KAZN: variants seen among roughly 807,000 people sequenced by gnomAD.
The protein encoded by KAZN is kazrin, periplakin interacting protein.
In KAZN, 40 loss-of-function variants were observed where a neutral mutation model predicts 87.4. The ratio of observed to expected loss-of-function variants is 0.46; its 90% CI spans 0.36 to 0.60. The LOEUF is 0.60. Ranked by LOEUF, KAZN falls within the 20% of genes least tolerant of loss-of-function variation. The probability of loss-of-function intolerance (pLI) is 0.00; values close to 1 mark genes in which losing one functional copy is unlikely to be tolerated. For synonymous variants in KAZN, 466 were observed against 458.3 expected (o/e 1.02, Z -0.22); for missense variants, 898 against 1,073.9 (o/e 0.84, Z 2.29).
chr1:15,020,518 T>C (rs1218501124), intron 2 of KAZN, among the ~76,000 whole-genome samples: 1 of 152,158 alleles, frequency 6.6e-6, no homozygotes, highest in Non-Finnish European at 1.5e-5. Flanking sequence ...TTCTTAGCAC[T>C]GTTTACAGTA....
chr1:14,541,669 G>C (rs534755145), intron 2 of KAZN, among the ~76,000 whole-genome samples: 8 of 152,356 alleles, frequency 5.3e-5, no homozygotes, highest in Middle Eastern at 3.4e-3. Flanking sequence ...CTGGGGCAAA[G>C]CTTCGTTGCT....
chr1:14,800,957 C>T (rs9803848), intron 1 of KAZN, among the ~76,000 whole-genome samples: 54,260 of 150,430 alleles, frequency 0.36, 11,118 homozygotes, highest in African/African-American at 0.56. Context: ...AATTAGGTTA[C>T]GGTGATAGTT....
At chr1:14,559,027 A>G (rs996512319) in intron 2 of KAZN, among the ~76,000 whole-genome samples, 4 of 152,126 alleles carry the variant, frequency 2.6e-5, no homozygotes, top group Non-Finnish European at 5.9e-5. Context: ...TCTAGCTCCA[A>G]TGAAATGAAA....
chr1:14,665,801 T>C (rs959989196), intron 1 of KAZN, among the ~76,000 whole-genome samples: 1 of 152,068 alleles, frequency 6.6e-6, no homozygotes, highest in African/African-American at 2.4e-5. Context: ...AGTTGTTCTG[T>C]TAAAGCACAC....
intron 7 of KAZN, among the ~76,000 whole-genome samples, chr1:15,064,138 T>C (rs1639036658): frequency 6.6e-6 from 1 of 152,254 alleles, no homozygotes; most frequent in South Asian, 2.1e-4. Flanking sequence ...GATTCATTTT[T>C]AACATTTTCA....
chr1:15,052,241 G>A (rs1188619880), intron 4 of KAZN, among the ~76,000 whole-genome samples: 1 of 152,084 alleles, frequency 6.6e-6, no homozygotes, highest in Non-Finnish European at 1.5e-5. Context: ...GAGGCTTAAT[G>A]GACTCACAGT....
At chr1:13,912,608 C>CA (rs34653830) in intron 1 of KAZN, among the ~76,000 whole-genome samples, 30,424 of 151,926 alleles carry the variant, frequency 0.2, 3,408 homozygotes, top group Non-Finnish European at 0.26. Context: ...CTACCTAATG[C>CA]AATTCTTTTT....
At chr1:14,976,302 G>A (rs896726067) in intron 2 of KAZN, among the ~76,000 whole-genome samples, 4 of 152,112 alleles carry the variant, frequency 2.6e-5, no homozygotes, top group African/African-American at 9.7e-5. Context: ...CTGAGTAGCT[G>A]GGACTACTCA....
intron 8 of KAZN, among the ~76,000 whole-genome samples, chr1:15,078,988 G>A (rs903891187): frequency 6.6e-6 from 1 of 152,178 alleles, no homozygotes; most frequent in African/African-American, 2.4e-5. Context: ...CTCACCACTG[G>A]CTTAAGAAAC....
intron 1 of KAZN, among the ~76,000 whole-genome samples, chr1:14,676,223 A>G (rs1301383020): frequency 1.3e-5 from 2 of 152,146 alleles, no homozygotes; most frequent in Non-Finnish European, 2.9e-5. Context: ...CAAGAAGATG[A>G]TCTTTAATTA....
At chr1:14,715,777 G>T (rs1642761612) in intron 1 of KAZN, among the ~76,000 whole-genome samples, 1 of 152,150 alleles carries the variant, frequency 6.6e-6, no homozygotes, top group South Asian at 2.1e-4. Context: ...GGTTAAGTCG[G>T]TATTTAAAAG....
At chr1:14,434,171 T>C (rs546578167) in intron 2 of KAZN, among the ~76,000 whole-genome samples, 1 of 152,346 alleles carries the variant, frequency 6.6e-6, no homozygotes, top group Admixed American at 6.5e-5. Context: ...GATCCATTTA[T>C]TTATTCTCCT....
chr1:14,374,908 C>T (rs1028144505), intron 2 of KAZN, among the ~76,000 whole-genome samples: 2 of 152,098 alleles, frequency 1.3e-5, no homozygotes, highest in South Asian at 2.1e-4. Context: ...TAACCAAGAG[C>T]GATCACACAA....
chr1:14,550,432 A>G (rs1247593529), intron 2 of KAZN, among the ~76,000 whole-genome samples: 1 of 152,144 alleles, frequency 6.6e-6, no homozygotes, highest in African/African-American at 2.4e-5. Flanking sequence ...GTTCCAGGTG[A>G]GAGATCAGCA....
At chr1:14,514,617 A>ATTTTTTTATATTT in intron 2 of KAZN, among the ~76,000 whole-genome samples, 1 of 48,310 alleles carries the variant, frequency 2.1e-5, no homozygotes, top group African/African-American at 8.4e-5. Context: ...ATATATATAT[A>ATTTTTTTATATTT]TATATATATA....
intron 2 of KAZN, among the ~76,000 whole-genome samples, chr1:14,559,368 G>T (rs1674116019): frequency 6.6e-6 from 1 of 152,172 alleles, no homozygotes; most frequent in Non-Finnish European, 1.5e-5. Context: ...AGGAGTTAAT[G>T]CCATTCCATC....
At chr1:14,058,433 G>C (rs1483668721) in intron 1 of KAZN, among the ~76,000 whole-genome samples, 1 of 152,058 alleles carries the variant, frequency 6.6e-6, no homozygotes, top group African/African-American at 2.4e-5. Context: ...CATGGGAAAG[G>C]GAAAATATAT....
chr1:14,886,321 G>A (rs1388019848), intron 1 of KAZN, among the ~76,000 whole-genome samples: 1 of 152,122 alleles, frequency 6.6e-6, no homozygotes, highest in African/African-American at 2.4e-5. Flanking sequence ...TACTCAGAAG[G>A]CTGATGTGGG....
At chr1:13,919,210 A>G (rs1218594540) in intron 1 of KAZN, among the ~76,000 whole-genome samples, 1 of 152,186 alleles carries the variant, frequency 6.6e-6, no homozygotes, top group Non-Finnish European at 1.5e-5. Flanking sequence ...CCTTTTAATC[A>G]TCTCCTCCAC....
Sources: allele counts gnomAD v4.1 joint callset (sites outside exome capture counted in the v4.1 genomes callset), GRCh38; gene constraint gnomAD v4.1.1; transcripts MANE v1.5; gene names NCBI Gene and HGNC (gene_info 2026-07-23, HGNC 2026-07-21).